Variants in RPS6KC1 observed in about 807,000 individuals in gnomAD.
RPS6KC1 encodes the protein inactive ribosomal protein S6 kinase delta-1.
Under a neutral mutation model 103.8 loss-of-function variants are expected in RPS6KC1, and 54 were observed. That is an observed-to-expected ratio of 0.52 (90% CI 0.42 to 0.65). The LOEUF (loss-of-function observed/expected upper bound fraction) is 0.65, where lower values mean the gene tolerates loss of function less well. Ranked by LOEUF, RPS6KC1 falls within the 30% of genes least tolerant of loss-of-function variation. The pLI, the probability that RPS6KC1 is intolerant of heterozygous loss-of-function variation, is 0.00. For synonymous variants in RPS6KC1, 439 were observed against 438.7 expected, an observed-to-expected ratio of 1.00 and a Z score of -0.01; for missense variants, 1,151 against 1,253.8, an observed-to-expected ratio of 0.92 and a Z score of 1.24.
At chr1:213,587,969 G>A in the RPS6KC1 span, among the ~76,000 whole-genome samples, 1 of 152,294 alleles carries the variant, frequency 6.6e-6, no homozygotes, top group East Asian at 1.9e-4. Context: ...AGTTTTGGAG[G>A]CTGGGAAGTC....
At chr1:213,051,596 T>A (rs2076952923) in intron 1 of RPS6KC1, 87 bp downstream of exon 1, 2 of 967,680 alleles carry the variant, frequency 2.1e-6, no homozygotes, top group Non-Finnish European at 3.2e-6. Flanking sequence ...TACCTGACTC[T>A]GGCTCAGAGC....
the RPS6KC1 span, among the ~76,000 whole-genome samples, chr1:213,572,758 C>T: frequency 8.6e-4 from 131 of 152,164 alleles, no homozygotes; most frequent in African/African-American, 3.0e-3. Context: ...GAGATGAAGG[C>T]TTTATCCAAG....
chr1:213,430,071 A>G, the RPS6KC1 span, among the ~76,000 whole-genome samples: 1 of 152,222 alleles, frequency 6.6e-6, no homozygotes, highest in African/African-American at 2.4e-5. Context: ...ACCTAGTGCC[A>G]GGTGAGCCTT....
At chr1:213,095,297 A>G (rs2081346425) in intron 3 of RPS6KC1, among the ~76,000 whole-genome samples, 1 of 152,250 alleles carries the variant, frequency 6.6e-6, no homozygotes, top group South Asian at 2.1e-4. Context: ...GATATAGTTA[A>G]GAATCATCAG....
intron 3 of RPS6KC1, among the ~76,000 whole-genome samples, chr1:213,098,742 T>C (rs951008045): frequency 1.3e-5 from 2 of 152,212 alleles, no homozygotes; most frequent in East Asian, 1.9e-4. Context: ...ACAACAGATA[T>C]AATAATAATG....
intron 6 of RPS6KC1, among the ~76,000 whole-genome samples, chr1:213,151,345 G>T (rs2088844718): frequency 7.6e-6 from 1 of 131,242 alleles, no homozygotes; most frequent in Non-Finnish European, 1.6e-5. Context: ...CGGGCGGGGG[G>T]CTAACCCCCC....
chr1:213,357,314 C>T, the RPS6KC1 span, among the ~76,000 whole-genome samples: 1 of 151,294 alleles, frequency 6.6e-6, no homozygotes, highest in African/African-American at 2.4e-5. Flanking sequence ...CTCTTGGGGC[C>T]CTGTCCTGCC....
chr1:213,726,975 G>A, the RPS6KC1 span, among the ~76,000 whole-genome samples: 8 of 152,136 alleles, frequency 5.3e-5, no homozygotes, highest in South Asian at 2.1e-4. Context: ...ATCTTAGGGC[G>A]CCACCATCTC....
At chr1:213,093,254 A>G (rs1028683534) in intron 3 of RPS6KC1, among the ~76,000 whole-genome samples, 1 of 150,000 alleles carries the variant, frequency 6.7e-6, no homozygotes, top group Non-Finnish European at 1.5e-5. Context: ...TCTGTCACCC[A>G]GGCTGGAGTG....
At position 213,161,859 on chromosome 1, in the gene RPS6KC1, A is replaced by G. The variant is rs74139103; in HGVS notation, c.836-5999A>G. 2.9e-3 allele frequency among the ~76,000 whole-genome samples: 436 copies of G among 152,340 alleles called. 3 individuals are homozygous for G. Among genetic ancestry groups the G allele is most frequent in the African/African-American group, 9.7e-3 (402 of 41,578 alleles). On this transcript the variant is annotated intron_variant, in intron 6 of 14. Transcript: ENST00000366960. ...ATTTCAAAGGAAAAATATGGGAATT[A>G]ATATCATGGCATCAAGAAAACAATT... is the stretch of plus-strand genomic sequence containing the variant.
the RPS6KC1 span, among the ~76,000 whole-genome samples, chr1:213,464,934 G>A: frequency 6.6e-6 from 1 of 151,962 alleles, no homozygotes; most frequent in African/African-American, 2.4e-5. Context: ...GCTGCTAATG[G>A]GTCACAGCTG....
chr1:213,388,855 A>G, the RPS6KC1 span, among the ~76,000 whole-genome samples: 1 of 152,232 alleles, frequency 6.6e-6, no homozygotes, highest in Non-Finnish European at 1.5e-5. Flanking sequence ...AGACAAGACC[A>G]AACAAAGAGA....
the RPS6KC1 span, among the ~76,000 whole-genome samples, chr1:213,377,135 C>T: frequency 2.0e-5 from 3 of 152,188 alleles, no homozygotes; most frequent in Admixed American, 2.0e-4. Flanking sequence ...AACATTTGCT[C>T]AGGCTGAAAT....
intron 4 of RPS6KC1, among the ~76,000 whole-genome samples, chr1:213,108,804 A>G (rs2082731757): frequency 6.6e-6 from 1 of 151,854 alleles, no homozygotes; most frequent in African/African-American, 2.4e-5. Context: ...AGGAACCACC[A>G]CACCCAGCTT....
At chr1:213,191,862 G>A (rs2092759567) in intron 8 of RPS6KC1, among the ~76,000 whole-genome samples, 2 of 151,958 alleles carry the variant, frequency 1.3e-5, no homozygotes, top group Non-Finnish European at 2.9e-5. Flanking sequence ...CGGCTGGAGT[G>A]CAGTGGCATG....
chr1:213,442,779 A>G, the RPS6KC1 span, among the ~76,000 whole-genome samples: 1 of 152,120 alleles, frequency 6.6e-6, no homozygotes, highest in Non-Finnish European at 1.5e-5. Flanking sequence ...CTGCTCTCTC[A>G]ATAGCCAAAT....
the RPS6KC1 span, among the ~76,000 whole-genome samples, chr1:213,764,522 C>T: frequency 2.0e-5 from 3 of 152,252 alleles, no homozygotes; most frequent in South Asian, 4.1e-4. Context: ...CTCAAATGAC[C>T]TCCTCTGTCT....
chr1:213,739,701 G>C, the RPS6KC1 span, among the ~76,000 whole-genome samples: 2 of 152,156 alleles, frequency 1.3e-5, no homozygotes, highest in African/African-American at 4.8e-5. Context: ...GAAGCACTGA[G>C]TGCTAGAAGA....
chr1:213,640,363 G>A, the RPS6KC1 span, among the ~76,000 whole-genome samples: 4 of 150,684 alleles, frequency 2.7e-5, no homozygotes, highest in African/African-American at 9.7e-5. Context: ...CTTTTAGTTT[G>A]ATTGATTTTT....
Sources: allele counts gnomAD v4.1 joint callset (sites outside exome capture counted in the v4.1 genomes callset), GRCh38; gene constraint gnomAD v4.1.1; transcripts MANE v1.5; gene names NCBI Gene and HGNC (gene_info 2026-07-23, HGNC 2026-07-21).